Variants in CNIH1 observed in about 807,000 individuals in gnomAD.
The protein encoded by CNIH1 is cornichon family member 1.
CNIH1 carries 12 observed loss-of-function variants against 20.2 expected under a neutral mutation model. The ratio of observed to expected loss-of-function variants is 0.59; its 90% confidence interval spans 0.38 to 0.96. CNIH1 has a LOEUF of 0.96. Ranked by LOEUF, CNIH1 falls within the 40% of genes least tolerant of loss-of-function variation. The probability of loss-of-function intolerance (pLI) is 0.00; values close to 1 mark genes in which losing one functional copy is unlikely to be tolerated. For missense variants in CNIH1, 152 were observed against 178.8 expected (o/e 0.85, Z 0.85); for synonymous variants, 69 against 63.3 (o/e 1.09, Z -0.43).
rs776183820 is a variant in CNIH1 at position 54,432,184 on chromosome 14, A to T, written c.187T>A (p.Cys63Ser). 1 of 1,562,954 alleles carries T rather than the reference A, an allele frequency of 6.4e-7. No individual in the cohort carries two copies. The highest frequency in any genetic ancestry group is 1.2e-5 in the South Asian group (1 of 84,404). The change falls in exon 3 of 5, where the codon TGT (cysteine) becomes AGT (serine). Residue 63 changes from cysteine to serine, a missense_variant. Around this residue, in one of 3 missense-constraint regions of CNIH1, gnomAD observed 97 missense variants for 100.6 expected, o/e 0.96. Transcript: ENST00000216416. ...TCTGCTGCACAAAGAAACATGACAC[A>T]GAAGAAAGCGTGGATGAGGTACTCT... ...LPEYLIHAFFCVMFLCAAEWL... is the reference protein window; with the variant it reads ...LPEYLIHAFFSVMFLCAAEWL...
chr14:54,430,009 T>C (rs771506923), intron 4 of CNIH1: 5 of 449,116 alleles, frequency 1.1e-5, no homozygotes, highest in Non-Finnish European at 2.0e-5. Flanking sequence ...CTTTACTGAC[T>C]GAATGTGTCT....
chr14:54,441,153 G>T, intron 1 of CNIH1, 94 bp downstream of exon 1: 2 of 1,278,778 alleles, frequency 1.6e-6, no homozygotes, highest in South Asian at 1.9e-5. Flanking sequence ...GACGCGCAAA[G>T]CCCCGGCGGC....
intron 2 of CNIH1, 167 bp downstream of exon 2, chr14:54,436,202 A>G: frequency 2.8e-6 from 2 of 707,406 alleles, no homozygotes; most frequent in Non-Finnish European, 5.2e-6. Context: ...CAGATTAATA[A>G]TAGAATAGTC....
At chr14:54,439,740 C>T (rs910889307) in intron 1 of CNIH1, among the ~76,000 whole-genome samples, 17 of 151,688 alleles carry the variant, frequency 1.1e-4, no homozygotes, top group African/African-American at 4.1e-4. Context: ...TTAGTAGAGA[C>T]GGGGTTTCAC....
intron 4 of CNIH1, among the ~76,000 whole-genome samples, chr14:54,428,063 AG>A (rs1340420691): frequency 5.9e-5 from 9 of 152,162 alleles, no homozygotes; most frequent in Non-Finnish European, 1.3e-4. Flanking sequence ...TTCCAATTTT[AG>A]CAAGTAGAAC....
At chr14:54,436,008 A>ATT (rs2031048105) in intron 2 of CNIH1, 1 of 690,950 alleles carries the variant, frequency 1.4e-6, no homozygotes, top group African/African-American at 1.8e-5. Context: ...AACGTTACAA[A>ATT]TACAAATGCC....
At position 54,430,250 on chromosome 14, in the gene CNIH1, TTTCAACTTAC is replaced by T. The variant is rs753969883; in HGVS notation, c.407+1_407+10del. The T allele has an allele frequency of 6.2e-7, 1 of 1,613,374 alleles. No individual in the cohort carries two copies. Among genetic ancestry groups the T allele is most frequent in the South Asian group, 1.1e-5 (1 of 90,976 alleles). Reference sequence around the variant, plus strand: ...AGTGAAAGCATATTTCATTTTACCTTTTCAACTTACCCATATAGGTAGTAAAAAAATGCTA... The same window carrying T: ...AGTGAAAGCATATTTCATTTTACCTTCCATATAGGTAGTAAAAAAATGCTA... On this transcript the variant is annotated splice_donor_variant and splice_donor_5th_base_variant and intron_variant, in intron 4 of 4. Transcript: ENST00000216416. LOFTEE classifies it high-confidence loss of function.
At chr14:54,437,982 T>G (rs1331116413) in intron 1 of CNIH1, among the ~76,000 whole-genome samples, 2 of 151,876 alleles carry the variant, frequency 1.3e-5, no homozygotes, top group South Asian at 2.1e-4. Context: ...TCAAGGGTTT[T>G]TTTTTTTTTT....
intron 2 of CNIH1, among the ~76,000 whole-genome samples, chr14:54,432,816 A>C (rs552731498): frequency 6.6e-6 from 1 of 152,342 alleles, no homozygotes; most frequent in Non-Finnish European, 1.5e-5. Context: ...CAAATGTAAA[A>C]GATTCGCTTT....
intron 1 of CNIH1, among the ~76,000 whole-genome samples, chr14:54,438,199 C>T (rs1185253467): frequency 2.0e-5 from 3 of 152,140 alleles, no homozygotes; most frequent in African/African-American, 7.2e-5. Context: ...AGGCTGGTCT[C>T]AAACTCCTGA....
Position 54,424,136 on chromosome 14 carries a change from G to A in CNIH1, c.*3678C>T, listed in dbSNP as rs2030781043. 6.6e-6 allele frequency: 1 copy of A among 152,164 alleles called. No homozygotes were observed. Among genetic ancestry groups the A allele is most frequent in the Non-Finnish European group, 1.5e-5 (1 of 68,028 alleles). 9.4% of individuals were successfully genotyped at this position (152,164 alleles called of 1,614,324 possible). A position where few individuals can be genotyped will look rare whatever the true frequency, so the allele number is the denominator to read the frequency against. ...AACCATCTTCCAAGCTATACTGGTA[G>A]CACCACAGACTTACTAGCTGCTGGT... On this transcript the variant is annotated 3_prime_UTR_variant, in exon 5 of 5. Coordinates refer to ENST00000216416, the MANE Select transcript of CNIH1 (RefSeq NM_005776.3).
At chr14:54,429,877 A>G (rs577477024) in intron 4 of CNIH1, among the ~76,000 whole-genome samples, 2 of 152,346 alleles carry the variant, frequency 1.3e-5, no homozygotes, top group East Asian at 3.9e-4. Context: ...CTTATGAAGA[A>G]TGATAAGGAA....
chr14:54,435,307 T>C (rs1486172001), intron 2 of CNIH1, among the ~76,000 whole-genome samples: 2 of 151,976 alleles, frequency 1.3e-5, no homozygotes, highest in Non-Finnish European at 2.9e-5. Flanking sequence ...ACCCAGGAGA[T>C]TGAGGCAGGA....
chr14:54,439,223 G>C (rs546914820), intron 1 of CNIH1, among the ~76,000 whole-genome samples: 7 of 152,036 alleles, frequency 4.6e-5, no homozygotes, highest in African/African-American at 1.7e-4. Flanking sequence ...TTTCCAAAAG[G>C]ATACTAATTC....
intron 1 of CNIH1, among the ~76,000 whole-genome samples, chr14:54,438,834 C>A (rs993773493): frequency 6.6e-6 from 1 of 152,190 alleles, no homozygotes; most frequent in African/African-American, 2.4e-5. Flanking sequence ...GCAGATCCCT[C>A]ATGAATGGTT....
intron 1 of CNIH1, among the ~76,000 whole-genome samples, chr14:54,438,036 G>C (rs2031090466): frequency 6.6e-6 from 1 of 150,810 alleles, no homozygotes; most frequent in Non-Finnish European, 1.5e-5. Flanking sequence ...CTGGAGTGCA[G>C]TGGCACAATC....
intron 1 of CNIH1, among the ~76,000 whole-genome samples, chr14:54,439,549 TTTC>T (rs1259642717): frequency 1.4e-5 from 2 of 148,018 alleles, no homozygotes; most frequent in East Asian, 4.1e-4. Context: ...ACTTTCTTTC[TTTC>T]TTTTTTTTTG....
At chr14:54,439,763 G>C (rs942374996) in intron 1 of CNIH1, among the ~76,000 whole-genome samples, 2 of 151,914 alleles carry the variant, frequency 1.3e-5, no homozygotes, top group Non-Finnish European at 2.9e-5. Flanking sequence ...TGTTGGCCAG[G>C]CTGGTCTCGA....
chr14:54,424,555 AC>A lies in CNIH1; in HGVS notation c.*3258del, dbSNP rs1225131259. The stretch of plus-strand genomic sequence containing the variant: ...ATTATTTGCACTATGGCAATATTCC[AC>A]GAACTCTATTCATAAACATAGAAGG... On this transcript the variant is annotated 3_prime_UTR_variant, in exon 5 of 5. Coordinates refer to ENST00000216416, the MANE Select transcript of CNIH1 (RefSeq NM_005776.3). 1.3e-5 allele frequency: 2 copies of A among 152,260 alleles called. No individual in the cohort carries two copies. The highest frequency in any genetic ancestry group is 2.9e-5 in the Non-Finnish European group (2 of 68,048). 9.4% of individuals were successfully genotyped at this position (152,260 alleles called of 1,614,324 possible).
Sources: gnomAD v4.1 joint callset for allele counts (sites outside exome capture counted in the v4.1 genomes callset) on GRCh38, gnomAD v4.1.1 for gene constraint, gnomAD v4.1.1 regional missense constraint, MANE v1.5 for transcripts, NCBI Gene and HGNC (gene_info 2026-07-23, HGNC 2026-07-21) for gene names.